CADPS: variants seen among roughly 807,000 people sequenced by gnomAD.
CADPS encodes the protein calcium dependent secretion activator, also known as calcium-dependent secretion activator 1.
Under a neutral mutation model 167.3 loss-of-function variants are expected in CADPS, and 57 were observed. The ratio of observed to expected loss-of-function variants is 0.34; its 90% CI spans 0.28 to 0.42. The LOEUF (loss-of-function observed/expected upper bound fraction) is 0.42, where lower values mean the gene tolerates loss of function less well. CADPS is among the 20% of genes least tolerant of loss of function. The pLI, the probability that CADPS is intolerant of heterozygous loss-of-function variation, is 1.00. For synonymous variants in CADPS, 676 were observed against 635.3 expected (o/e 1.06, Z -0.96); for missense variants, 1,414 against 1,738.1 (o/e 0.81, Z 3.32).
intron 5 of CADPS, among the ~76,000 whole-genome samples, chr3:62,648,752 C>G (rs983010232): frequency 1.0e-4 from 15 of 144,778 alleles, no homozygotes. Flanking sequence ...AATCAATAAA[C>G]CACTTTCCCC....
intron 1 of CADPS, among the ~76,000 whole-genome samples, chr3:62,836,716 G>A (rs889539199): frequency 2.0e-5 from 3 of 152,182 alleles, no homozygotes; most frequent in Non-Finnish European, 2.9e-5. Flanking sequence ...TGCCTGGGAG[G>A]TGAAGCTTCA....
chr3:62,761,789 C>T (rs538130916), intron 2 of CADPS, among the ~76,000 whole-genome samples: 2 of 152,132 alleles, frequency 1.3e-5, no homozygotes, highest in East Asian at 3.9e-4. Flanking sequence ...CTCTCTGATG[C>T]CATATCTCAG....
At chr3:62,833,938 T>C (rs1158932512) in intron 1 of CADPS, among the ~76,000 whole-genome samples, 1 of 152,178 alleles carries the variant, frequency 6.6e-6, no homozygotes, top group Non-Finnish European at 1.5e-5. Flanking sequence ...CACATACATG[T>C]GCATTTATAA....
At chr3:62,425,436 T>C (rs188639653) in intron 28 of CADPS, among the ~76,000 whole-genome samples, 13 of 152,248 alleles carry the variant, frequency 8.5e-5, no homozygotes, top group Admixed American at 5.2e-4. Flanking sequence ...CTTGACCAGA[T>C]TAAACTCTCG....
chr3:62,721,228 G>A (rs572757434), intron 3 of CADPS, among the ~76,000 whole-genome samples: 31 of 151,642 alleles, frequency 2.0e-4, no homozygotes, highest in African/African-American at 6.5e-4. Flanking sequence ...TCATCAGAGC[G>A]GCTGGGATCT....
rs1470012039 is a variant in CADPS at position 62,398,986 on chromosome 3, T to A, written c.*420A>T. The A allele has an allele frequency of 6.5e-6, 1 of 153,780 alleles. No homozygotes were observed. Among genetic ancestry groups the A allele is most frequent in the African/African-American group, 2.4e-5 (1 of 41,512 alleles). The allele number at this position is 153,780 out of a possible 1,614,324, so 9.5% of individuals were successfully genotyped here. Reference sequence around the variant, plus strand: ...GCAGATCTATGTGTTTTAATTAATTTATTTACGTACTCATTTAATTAACTG... The same window carrying A: ...GCAGATCTATGTGTTTTAATTAATTAATTTACGTACTCATTTAATTAACTG... On this transcript the variant is annotated 3_prime_UTR_variant, in exon 30 of 30. Coordinates refer to ENST00000383710, the MANE Select transcript of CADPS (RefSeq NM_003716.4).
At chr3:62,697,857 G>C (rs1161866654) in intron 3 of CADPS, among the ~76,000 whole-genome samples, 1 of 152,052 alleles carries the variant, frequency 6.6e-6, no homozygotes, top group Non-Finnish European at 1.5e-5. Context: ...AATCATTAGT[G>C]ATGTCGAGTA....
chr3:62,843,231 T>C (rs2076893282), intron 1 of CADPS, among the ~76,000 whole-genome samples: 1 of 152,180 alleles, frequency 6.6e-6, no homozygotes, highest in African/African-American at 2.4e-5. Flanking sequence ...AGGCAAATAT[T>C]CAAACATTTC....
Position 62,493,548 on chromosome 3 carries a change from C to G in CADPS, c.2727+97G>C, listed in dbSNP as rs186755212. The G allele has an allele frequency of 1.2e-5, 11 of 901,590 alleles. No homozygotes were observed. In the African/African-American group the frequency reaches 1.7e-4, roughly 14 times the overall value. 55.8% of individuals were successfully genotyped at this position (901,590 alleles called of 1,614,324 possible). ...GGGTTTGTTCAATGGCCAAGCTCTT[C>G]TGTGATCTATTAGTTATTAGAGGGA... On this transcript the variant is annotated intron_variant, in intron 19 of 29. Transcript: ENST00000383710.
intron 1 of CADPS, among the ~76,000 whole-genome samples, chr3:62,826,383 C>T (rs2074038048): frequency 6.6e-6 from 1 of 152,026 alleles, no homozygotes; most frequent in South Asian, 2.1e-4. Flanking sequence ...TGTCCATTTC[C>T]TGGTTGTGAT....
chr3:62,642,218 T>G (rs1187458838), intron 6 of CADPS, among the ~76,000 whole-genome samples: 2 of 152,078 alleles, frequency 1.3e-5, no homozygotes, highest in Non-Finnish European at 2.9e-5. Context: ...CCATGGAATT[T>G]GAGTAATAAA....
At chr3:62,844,518 C>G (rs947616549) in intron 1 of CADPS, among the ~76,000 whole-genome samples, 3 of 152,176 alleles carry the variant, frequency 2.0e-5, no homozygotes, top group Non-Finnish European at 4.4e-5. Flanking sequence ...CACCACTCCC[C>G]AACCCTCATG....
chr3:62,514,856 G>A lies in CADPS; in HGVS notation c.2581+1203C>T, dbSNP rs1190199084. 6.6e-6 allele frequency among the ~76,000 whole-genome samples: 1 copy of A among 152,106 alleles called. No homozygotes were observed. The highest frequency in any genetic ancestry group is 1.5e-5 in the Non-Finnish European group (1 of 68,012). On this transcript the variant is annotated intron_variant, in intron 16 of 29. Transcript: ENST00000383710. This position sits in a 1 kb window ranked among gnomAD's most constrained non-coding sequence, Gnocchi z 4.2. ...GCTGGAACAATTATTTGCTAATATA[G>A]CCCTTTAACGACCTCTTGTTCCTCT...
chr3:62,733,289 A>G (rs7619739), intron 3 of CADPS, among the ~76,000 whole-genome samples: 1 of 152,134 alleles, frequency 6.6e-6, no homozygotes, highest in Non-Finnish European at 1.5e-5. Context: ...AATTAGTTAC[A>G]TAGAAATGTA....
chr3:62,826,212 T>C lies in CADPS; in HGVS notation c.441+48377A>G, dbSNP rs1478040577. 2.0e-5 allele frequency among the ~76,000 whole-genome samples: 3 copies of C among 152,310 alleles called. No individual in the cohort carries two copies. In the East Asian group the frequency reaches 5.8e-4, roughly 29 times the overall value. On this transcript the variant is annotated intron_variant, in intron 1 of 29. Transcript: ENST00000383710. ...TAAGGACTTTTGCTTTGGTCATCTA[T>C]TCAGTTGATCAGACTTATCAAAAAG...
chr3:62,611,741 C>T (rs139760423), intron 6 of CADPS, among the ~76,000 whole-genome samples: 49 of 152,298 alleles, frequency 3.2e-4, no homozygotes, highest in Admixed American at 4.6e-4. Flanking sequence ...CTGTTCCCTA[C>T]GCACAATCTG....
At chr3:62,467,545 G>T (rs1009054754) in intron 24 of CADPS, among the ~76,000 whole-genome samples, 12 of 152,098 alleles carry the variant, frequency 7.9e-5, no homozygotes, top group African/African-American at 2.9e-4. Flanking sequence ...AATCATAGGC[G>T]AGGTTTGTTT....
chr3:62,857,906 C>A (rs972698667), intron 1 of CADPS, among the ~76,000 whole-genome samples: 2 of 152,020 alleles, frequency 1.3e-5, no homozygotes, highest in African/African-American at 4.8e-5. Flanking sequence ...TTTACATCTA[C>A]AATGAAGTTT....
intron 6 of CADPS, among the ~76,000 whole-genome samples, chr3:62,636,312 AT>A (rs2066289835): frequency 6.6e-6 from 1 of 152,192 alleles, no homozygotes; most frequent in Admixed American, 6.6e-5. Flanking sequence ...TTTTGCTCTT[AT>A]GCCCATGCTG....
Sources: allele counts gnomAD v4.1 joint callset (sites outside exome capture counted in the v4.1 genomes callset), GRCh38; gene constraint gnomAD v4.1.1; non-coding constraint Gnocchi (gnomAD v3.1); transcripts MANE v1.5; gene names NCBI Gene and HGNC (gene_info 2026-07-23, HGNC 2026-07-21).